Variants in GPC6 observed in about 807,000 individuals in gnomAD.
The protein encoded by GPC6 is glypican 6, also known as glypican-6.
In GPC6, 14 loss-of-function variants were observed where a neutral mutation model predicts 55.2. That is an observed-to-expected ratio of 0.25 (90% CI 0.17 to 0.40). GPC6 has a LOEUF of 0.40. Among genes scored for constraint, GPC6 ranks in the 10% least tolerant of loss-of-function variants. GPC6 has a pLI of 1.00. For missense variants in GPC6, 641 were observed against 708.5 expected (o/e 0.90, Z 1.08); for synonymous variants, 278 against 259.6 (o/e 1.07, Z -0.68).
intron 2 of GPC6, among the ~76,000 whole-genome samples, chr13:93,822,498 C>T (rs1887086606): frequency 6.6e-6 from 1 of 152,048 alleles, no homozygotes; most frequent in South Asian, 2.1e-4. Flanking sequence ...GCAGAATATG[C>T]ACGTTTGTTA....
rs566785738 is a variant in GPC6 at position 93,332,279 on chromosome 13, C to T, written c.160+104663C>T. Among the ~76,000 whole-genome samples the T allele has an allele frequency of 3.6e-3, 391 of 107,302 alleles. 6 individuals are homozygous for T. Among genetic ancestry groups the T allele is most frequent in the Non-Finnish European group, 5.7e-3 (302 of 53,204 alleles). The allele number at this position is 107,302 out of a possible 152,430, so 70.4% of individuals were successfully genotyped here. On this transcript the variant is annotated intron_variant, in intron 1 of 8. Transcript: ENST00000377047. ...TGTTTTTCTTTTTTTTTTTTTTTTG[C>T]GAAACCTCTGTAGCTGTTTTCCATA...
chr13:93,298,673 C>T (rs1367319198), intron 1 of GPC6, among the ~76,000 whole-genome samples: 2 of 151,776 alleles, frequency 1.3e-5, no homozygotes, highest in Admixed American at 1.3e-4. Flanking sequence ...GTCTCAAATT[C>T]CTAGGCTCAA....
At chr13:93,383,624 AT>A (rs983161649) in intron 1 of GPC6, among the ~76,000 whole-genome samples, 2 of 152,218 alleles carry the variant, frequency 1.3e-5, no homozygotes, top group East Asian at 1.9e-4. Flanking sequence ...AGACCATGTC[AT>A]TTTTTTAAAG....
At chr13:94,151,257 G>A (rs527958870) in intron 4 of GPC6, among the ~76,000 whole-genome samples, 1 of 152,226 alleles carries the variant, frequency 6.6e-6, no homozygotes, top group Admixed American at 6.5e-5. Flanking sequence ...AAGGCAGGCA[G>A]CAGAAATATG....
chr13:93,662,787 A>G (rs907627908), intron 2 of GPC6, among the ~76,000 whole-genome samples: 1 of 152,142 alleles, frequency 6.6e-6, no homozygotes, highest in African/African-American at 2.4e-5. Context: ...TGAACTTGAT[A>G]TTCTTCTAGG....
intron 4 of GPC6, among the ~76,000 whole-genome samples, chr13:94,143,291 A>C (rs1355678983): frequency 6.6e-6 from 1 of 152,188 alleles, no homozygotes; most frequent in African/African-American, 2.4e-5. Flanking sequence ...TTTTATTACC[A>C]GCAAAAAGAG....
chr13:94,397,841 C>T (rs2139227609), intron 7 of GPC6, among the ~76,000 whole-genome samples: 1 of 152,224 alleles, frequency 6.6e-6, no homozygotes, highest in East Asian at 1.9e-4. Flanking sequence ...CTCCCAAATC[C>T]CATCTTGACT....
intron 4 of GPC6, among the ~76,000 whole-genome samples, chr13:94,177,783 A>G (rs1318431280): frequency 1.3e-5 from 2 of 152,168 alleles, no homozygotes; most frequent in Non-Finnish European, 2.9e-5. Flanking sequence ...AGTTGACAGT[A>G]TTTTTAAATA....
intron 3 of GPC6, among the ~76,000 whole-genome samples, chr13:93,873,766 T>C (rs1889205841): frequency 1.3e-5 from 2 of 151,994 alleles, no homozygotes; most frequent in Admixed American, 1.3e-4. Flanking sequence ...CAACCCTTCA[T>C]GAAACCAGTT....
chr13:94,379,460 C>A (rs1425352972), intron 6 of GPC6, among the ~76,000 whole-genome samples: 4 of 152,174 alleles, frequency 2.6e-5, no homozygotes, highest in African/African-American at 9.7e-5. Flanking sequence ...CTGGGGTAAA[C>A]AATGAGAGAA....
At chr13:94,333,860 G>C (rs1877547361) in intron 6 of GPC6, among the ~76,000 whole-genome samples, 1 of 152,216 alleles carries the variant, frequency 6.6e-6, no homozygotes, top group Non-Finnish European at 1.5e-5. Context: ...CCAAATGCAT[G>C]ATGGAGAAGC....
At chr13:94,202,184 T>C (rs1889773346) in intron 4 of GPC6, among the ~76,000 whole-genome samples, 1 of 152,182 alleles carries the variant, frequency 6.6e-6, no homozygotes, top group South Asian at 2.1e-4. Flanking sequence ...TTGTAAATTC[T>C]CAGTGTTTCC....
intron 1 of GPC6, among the ~76,000 whole-genome samples, chr13:93,329,425 C>G (rs748238692): frequency 6.6e-6 from 1 of 152,154 alleles, no homozygotes; most frequent in Non-Finnish European, 1.5e-5. Context: ...CAATTAAAAA[C>G]AGTTGGTTAC....
At chr13:93,226,085 G>C (rs1273543880), upstream of GPC6, among the ~76,000 whole-genome samples, 4 of 152,114 alleles carry the variant, frequency 2.6e-5, no homozygotes, top group Admixed American at 1.3e-4. Context: ...AAATTGGATT[G>C]ATTCTCCACT....
intron 3 of GPC6, among the ~76,000 whole-genome samples, chr13:93,878,306 T>A (rs1397885333): frequency 6.6e-6 from 1 of 152,052 alleles, no homozygotes; most frequent in Admixed American, 6.5e-5. Context: ...TTATAAAGGT[T>A]GAGGGAATGA....
intron 3 of GPC6, among the ~76,000 whole-genome samples, chr13:93,844,311 G>A (rs1356349967): frequency 5.9e-5 from 9 of 151,986 alleles, no homozygotes; most frequent in Admixed American, 5.9e-4. Context: ...GCTAATTTTT[G>A]TATTTTTAGT....
chr13:93,227,374 C>G lies in GPC6; in HGVS notation c.-83C>G. 1 of 1,432,134 alleles carries G rather than the reference C, an allele frequency of 7.0e-7. No individual in the cohort carries two copies. The highest frequency in any genetic ancestry group is 1.2e-5 in the South Asian group (1 of 82,672). 88.7% of individuals were successfully genotyped at this position (1,432,134 alleles called of 1,614,324 possible). ...GCAGCGGCGAGGAGCGCGCCGCTGCCTCTGGCGGGCTTTCGGCTTGAGGGG... is the reference window on the plus strand; with the variant it reads ...GCAGCGGCGAGGAGCGCGCCGCTGCGTCTGGCGGGCTTTCGGCTTGAGGGG... On this transcript the variant is annotated 5_prime_UTR_variant, in exon 1 of 9. Transcript: ENST00000377047. The surrounding 1 kb of genome is among the most constrained non-coding windows in gnomAD (Gnocchi z 4.3).
At chr13:93,447,992 CT>C (rs1878070964) in intron 1 of GPC6, among the ~76,000 whole-genome samples, 1 of 152,078 alleles carries the variant, frequency 6.6e-6, no homozygotes, top group Admixed American at 6.6e-5. Context: ...GTTTTTTTCC[CT>C]TTAATCTTGT....
Position 93,246,878 on chromosome 13 carries a change from A to G in GPC6, c.160+19262A>G, listed in dbSNP as rs1006996516. ...CAGGCCTTACATTTTTTCCTGGAAAAAAAAAATTGTCTTTTAGCTGTTTGC... is the reference window on the plus strand; with the variant it reads ...CAGGCCTTACATTTTTTCCTGGAAAGAAAAAATTGTCTTTTAGCTGTTTGC... On this transcript the variant is annotated intron_variant, in intron 1 of 8. Transcript: ENST00000377047. 8.6e-5 allele frequency among the ~76,000 whole-genome samples: 13 copies of G among 151,354 alleles called. 1 individual carries two copies. The highest frequency in any genetic ancestry group is 1.6e-4 in the Non-Finnish European group (11 of 67,880).
Sources: gnomAD v4.1 joint callset for allele counts (sites outside exome capture counted in the v4.1 genomes callset) on GRCh38, gnomAD v4.1.1 for gene constraint, Gnocchi (gnomAD v3.1) non-coding constraint, MANE v1.5 for transcripts, NCBI Gene and HGNC (gene_info 2026-07-23, HGNC 2026-07-21) for gene names.